The following MCC variants were observed in gnomAD, a reference collection of about 807,000 sequenced individuals.
MCC encodes the protein colorectal mutant cancer protein.
MCC carries 90 observed loss-of-function variants against 116.2 expected under a neutral mutation model. The observed-to-expected ratio is 0.77, with a 90% CI of 0.65 to 0.92. The LOEUF (loss-of-function observed/expected upper bound fraction) is 0.92. Among genes scored for constraint, MCC ranks in the 40% least tolerant of loss-of-function variants. The probability of loss-of-function intolerance (pLI) is 0.00; values close to 1 mark genes in which losing one functional copy is unlikely to be tolerated. For synonymous variants in MCC, 578 were observed against 510.5 expected (o/e 1.13, Z -1.78); for missense variants, 1,516 against 1,312.2 (o/e 1.16, Z -2.40).
chr5:113,377,193 ACTT>A (rs1215970482), intron 2 of MCC, among the ~76,000 whole-genome samples: 2 of 152,064 alleles, frequency 1.3e-5, no homozygotes, highest in African/African-American at 4.8e-5. Flanking sequence ...ACCACCTCCC[ACTT>A]CTTCTTCAAA....
intron 2 of MCC, among the ~76,000 whole-genome samples, chr5:113,342,668 T>C (rs1768045194): frequency 6.6e-6 from 1 of 152,180 alleles, no homozygotes. Context: ...AAAAAATAGA[T>C]TTGAGGTAAA....
At chr5:113,294,878 G>C in intron 3 of MCC, 1 of 985,774 alleles carries the variant, frequency 1.0e-6, no homozygotes, top group Non-Finnish European at 1.2e-6. Context: ...GAAAGCTAGA[G>C]GGAGCCGGAG....
chr5:113,065,098 G>A (rs147099870), intron 13 of MCC, among the ~76,000 whole-genome samples: 24 of 152,302 alleles, frequency 1.6e-4, no homozygotes, highest in African/African-American at 4.8e-4. Context: ...AAGCTACTCT[G>A]TATGATACTG....
intron 3 of MCC, among the ~76,000 whole-genome samples, chr5:113,263,617 G>A (rs148509635): frequency 3.8e-4 from 58 of 152,322 alleles, no homozygotes; most frequent in African/African-American, 1.3e-3. Flanking sequence ...CAAAAAGACT[G>A]CAATAATTTT....
chr5:113,442,985 CT>C (rs1771088035), intron 1 of MCC, among the ~76,000 whole-genome samples: 1 of 152,130 alleles, frequency 6.6e-6, no homozygotes, highest in Non-Finnish European at 1.5e-5. Context: ...TATGCAAGGT[CT>C]TTTTTGGTTC....
intron 1 of MCC, among the ~76,000 whole-genome samples, chr5:113,416,317 A>G (rs941318057): frequency 1.3e-5 from 2 of 152,110 alleles, no homozygotes; most frequent in Non-Finnish European, 2.9e-5. Flanking sequence ...TACTCAGGAG[A>G]CTGAAACAGG....
chr5:113,260,911 T>C (rs182373423), intron 3 of MCC, among the ~76,000 whole-genome samples: 4 of 152,300 alleles, frequency 2.6e-5, no homozygotes, highest in Admixed American at 1.3e-4. Flanking sequence ...CATTGGCAGA[T>C]ACCATCAGGT....
intron 3 of MCC, among the ~76,000 whole-genome samples, chr5:113,221,237 A>T (rs1763541393): frequency 6.6e-6 from 1 of 152,206 alleles, no homozygotes; most frequent in Admixed American, 6.5e-5. Context: ...TGGTGAACAC[A>T]GATGTGCTTG....
intron 2 of MCC, among the ~76,000 whole-genome samples, chr5:113,341,530 T>G (rs1468048281): frequency 6.6e-6 from 1 of 152,202 alleles, no homozygotes; most frequent in Non-Finnish European, 1.5e-5. Flanking sequence ...TGAAGGAAGC[T>G]AGACTGTATT....
At chr5:113,085,034 G>T (rs1051946298) in intron 9 of MCC, 130 bp downstream of exon 9, 4 of 1,268,376 alleles carry the variant, frequency 3.2e-6, no homozygotes, top group Admixed American at 1.8e-5. Flanking sequence ...GAAGGCCTGC[G>T]TAAGGTCCCA....
chr5:113,469,764 C>T (rs1483843542), intron 1 of MCC, among the ~76,000 whole-genome samples: 30 of 152,080 alleles, frequency 2.0e-4, no homozygotes, highest in African/African-American at 7.2e-4. Flanking sequence ...GTTGATCTGT[C>T]TAATGTTGAC....
intron 2 of MCC, among the ~76,000 whole-genome samples, chr5:113,374,394 C>A (rs1434762895): frequency 1.3e-5 from 2 of 151,960 alleles, no homozygotes; most frequent in African/African-American, 4.8e-5. Flanking sequence ...CCCTAAACAA[C>A]CCAAAGAGAC....
intron 3 of MCC, among the ~76,000 whole-genome samples, chr5:113,299,966 G>T (rs1766821470): frequency 6.6e-6 from 1 of 152,192 alleles, no homozygotes; most frequent in Admixed American, 6.5e-5. Flanking sequence ...GCAGTCTTGG[G>T]AACATTTCTA....
At chr5:113,111,449 T>C (rs1307896763) in intron 6 of MCC, among the ~76,000 whole-genome samples, 1 of 152,150 alleles carries the variant, frequency 6.6e-6, no homozygotes, top group Non-Finnish European at 1.5e-5. Flanking sequence ...CCGGGGTGGG[T>C]TCCCATCCAG....
chr5:113,224,680 T>C (rs575044680), intron 3 of MCC, among the ~76,000 whole-genome samples: 4 of 152,288 alleles, frequency 2.6e-5, no homozygotes, highest in South Asian at 2.1e-4. Flanking sequence ...CAGGAGTTAA[T>C]AGAGGAAAAA....
intron 3 of MCC, among the ~76,000 whole-genome samples, chr5:113,163,162 G>A (rs1760587576): frequency 6.6e-6 from 1 of 152,022 alleles, no homozygotes; most frequent in Non-Finnish European, 1.5e-5. Context: ...AGACAGTCAA[G>A]AACCAAGCGG....
At chr5:113,265,797 C>T (rs775626337) in intron 3 of MCC, among the ~76,000 whole-genome samples, 10 of 152,090 alleles carry the variant, frequency 6.6e-5, no homozygotes, top group Admixed American at 6.5e-5. Context: ...GCTTCAGAGA[C>T]AGACTAGGAG....
intron 3 of MCC, among the ~76,000 whole-genome samples, chr5:113,220,268 C>T (rs2150328591): frequency 6.6e-6 from 1 of 151,632 alleles, no homozygotes; most frequent in African/African-American, 2.4e-5. Context: ...ACCGTGTTAG[C>T]CAGGATGGTC....
At chr5:113,413,527 T>C (rs961485676) in intron 1 of MCC, among the ~76,000 whole-genome samples, 59 of 152,324 alleles carry the variant, frequency 3.9e-4, no homozygotes, top group African/African-American at 1.4e-3. Context: ...GGAATTTATC[T>C]ATTTGTTCTA....
Sources: gnomAD v4.1 joint callset for allele counts (sites outside exome capture counted in the v4.1 genomes callset) on GRCh38, gnomAD v4.1.1 for gene constraint, MANE v1.5 for transcripts, NCBI Gene and HGNC (gene_info 2026-07-23, HGNC 2026-07-21) for gene names.